CDH12: variants seen among roughly 807,000 people sequenced by gnomAD.
CDH12 encodes cadherin-12.
CDH12 carries 41 observed loss-of-function variants against 74.1 expected under a neutral mutation model. The ratio of observed to expected loss-of-function variants is 0.55; its 90% CI spans 0.43 to 0.72. The LOEUF (loss-of-function observed/expected upper bound fraction) is 0.72. CDH12 is among the 30% of genes least tolerant of loss of function. The pLI is 0.00. For synonymous variants in CDH12, 399 were observed against 355.0 expected, an observed-to-expected ratio of 1.12 and a Z score of -1.39; for missense variants, 945 against 977.2, an observed-to-expected ratio of 0.97 and a Z score of 0.44.
At chr5:22,434,528 A>T (rs1744302260) in intron 2 of CDH12, among the ~76,000 whole-genome samples, 1 of 152,142 alleles carries the variant, frequency 6.6e-6, no homozygotes, top group Non-Finnish European at 1.5e-5. Flanking sequence ...TCACTCCAAA[A>T]TGATTTTCAT....
Position 22,095,282 on chromosome 5 carries a change from C to T in CDH12, c.-186-16420G>A, listed in dbSNP as rs193226635. Among the ~76,000 whole-genome samples, 78 of 152,288 alleles carry T rather than the reference C, an allele frequency of 5.1e-4. No homozygotes were observed. In the Middle Eastern group the frequency reaches 0.01, roughly 20 times the overall value. On this transcript the variant is annotated intron_variant, in intron 4 of 14. Coordinates refer to ENST00000382254, the MANE Select transcript of CDH12 (RefSeq NM_004061.5). Reference sequence around the variant, plus strand: ...CCACTTTCTCCTTTCAATCTTGGTGCCACCCTTCAATCTCTCCCTTCTCTT... The same window carrying T: ...CCACTTTCTCCTTTCAATCTTGGTGTCACCCTTCAATCTCTCCCTTCTCTT...
chr5:22,755,925 C>T (rs1745874474), intron 1 of CDH12, among the ~76,000 whole-genome samples: 1 of 151,794 alleles, frequency 6.6e-6, no homozygotes, highest in Non-Finnish European at 1.5e-5. Context: ...AATGTATCTA[C>T]AGGGGAAATT....
chr5:22,643,306 T>C (rs1007443296), intron 1 of CDH12, among the ~76,000 whole-genome samples: 2 of 152,182 alleles, frequency 1.3e-5, no homozygotes, highest in African/African-American at 4.8e-5. Context: ...TGTGATTTAC[T>C]TTCTTTAGGT....
intron 6 of CDH12, among the ~76,000 whole-genome samples, chr5:21,860,389 A>T (rs576007818): frequency 6.6e-6 from 1 of 151,418 alleles, no homozygotes; most frequent in South Asian, 2.1e-4. Flanking sequence ...TTATTTGGGG[A>T]TTATGTATGA....
intron 7 of CDH12, among the ~76,000 whole-genome samples, chr5:21,845,759 G>A (rs750556764): frequency 3.3e-5 from 5 of 151,876 alleles, no homozygotes; most frequent in African/African-American, 1.2e-4. Flanking sequence ...TCTAATTCTG[G>A]CATCTAGTTA....
chr5:22,188,595 C>G (rs1308536432), intron 4 of CDH12, among the ~76,000 whole-genome samples: 1 of 152,094 alleles, frequency 6.6e-6, no homozygotes, highest in Admixed American at 6.5e-5. Flanking sequence ...ATCTGACAAA[C>G]TGTCACCTAC....
intron 4 of CDH12, among the ~76,000 whole-genome samples, chr5:22,210,762 T>C (rs1245921023): frequency 6.6e-6 from 1 of 151,852 alleles, no homozygotes; most frequent in African/African-American, 2.4e-5. Flanking sequence ...TTCAGCGACA[T>C]GCAAGTTCGC....
At chr5:22,609,287 AC>A (rs2126823889) in intron 1 of CDH12, among the ~76,000 whole-genome samples, 1 of 152,276 alleles carries the variant, frequency 6.6e-6, no homozygotes, top group South Asian at 2.1e-4. Context: ...CACTCATGTC[AC>A]TGCTTAAGCT....
intron 1 of CDH12, among the ~76,000 whole-genome samples, chr5:22,698,229 C>T (rs1215232047): frequency 6.9e-6 from 1 of 144,762 alleles, no homozygotes; most frequent in Non-Finnish European, 1.5e-5. Flanking sequence ...TCAAGCAATT[C>T]TCCTGCCTCA....
At position 22,078,466 on chromosome 5, in the gene CDH12, C is replaced by T. The variant is rs376964526; in HGVS notation, c.211G>A (p.Glu71Lys). 5.0e-6 allele frequency: 8 copies of T among 1,613,560 alleles called. No individual in the cohort carries two copies. The highest frequency in any genetic ancestry group is 2.7e-5 in the African/African-American group (2 of 74,862). Residue 71 changes from glutamate (E) to lysine (K), a missense_variant, in exon 5 of 15, where the codon GAG (glutamate) becomes AAG (lysine). Around this residue, in one of 3 missense-constraint regions of CDH12, gnomAD observed 148 missense variants for 162.8 expected, o/e 0.91. Transcript: ENST00000382254. ...FFVLEEYVGS[E>K]PQYVGKLHSD... Reference sequence around the variant, plus strand: ...ATTACCTTTCCCACATACTGAGGCTCGGAGCCCACGTATTCTTCCAGCACA... The same window carrying T: ...ATTACCTTTCCCACATACTGAGGCTTGGAGCCCACGTATTCTTCCAGCACA...
chr5:22,231,349 A>G (rs1015876388), intron 3 of CDH12, among the ~76,000 whole-genome samples: 1 of 152,082 alleles, frequency 6.6e-6, no homozygotes, highest in Non-Finnish European at 1.5e-5. Flanking sequence ...CAGAGAATTT[A>G]TGAAGAATAA....
At chr5:22,699,929 C>G (rs181687997) in intron 1 of CDH12, among the ~76,000 whole-genome samples, 209 of 152,260 alleles carry the variant, frequency 1.4e-3, no homozygotes, top group African/African-American at 4.8e-3. Flanking sequence ...AATCCCAGCA[C>G]TTTGAGAGGC....
At chr5:22,720,293 T>C (rs1743813020) in intron 1 of CDH12, among the ~76,000 whole-genome samples, 2 of 152,142 alleles carry the variant, frequency 1.3e-5, no homozygotes, top group African/African-American at 4.8e-5. Context: ...TAAGGGGCTT[T>C]TCCCCCTTTG....
intron 5 of CDH12, among the ~76,000 whole-genome samples, chr5:22,076,705 G>A (rs995732149): frequency 2.6e-5 from 4 of 152,104 alleles, no homozygotes; most frequent in African/African-American, 9.7e-5. Context: ...TCATATTTGA[G>A]GAATTATATA....
At chr5:21,981,057 C>G (rs1049097858) in intron 5 of CDH12, among the ~76,000 whole-genome samples, 6 of 151,972 alleles carry the variant, frequency 3.9e-5, no homozygotes, top group Non-Finnish European at 7.4e-5. Flanking sequence ...TGTTTCAGTT[C>G]TTATAAAAAT....
chr5:21,961,045 T>G (rs958960805), intron 6 of CDH12, among the ~76,000 whole-genome samples: 1 of 151,926 alleles, frequency 6.6e-6, no homozygotes, highest in African/African-American at 2.4e-5. Context: ...AAACTTGAAA[T>G]TAGACTACAT....
intron 1 of CDH12, among the ~76,000 whole-genome samples, chr5:22,572,791 T>A (rs1182780578): frequency 6.6e-6 from 1 of 152,184 alleles, no homozygotes; most frequent in Non-Finnish European, 1.5e-5. Context: ...TAGTTCTATA[T>A]TCTATTGAGT....
chr5:22,706,400 A>G (rs1295148720), intron 1 of CDH12, among the ~76,000 whole-genome samples: 1 of 152,112 alleles, frequency 6.6e-6, no homozygotes, highest in Non-Finnish European at 1.5e-5. Flanking sequence ...TCATTATGAA[A>G]CATATACACA....
intron 6 of CDH12, chr5:21,883,708 A>G: frequency 6.2e-7 from 1 of 1,608,306 alleles, no homozygotes. Flanking sequence ...CGTATTCAAG[A>G]AATCATTGGG....
Sources: allele counts gnomAD v4.1 joint callset (sites outside exome capture counted in the v4.1 genomes callset), GRCh38; gene constraint gnomAD v4.1.1; regional missense constraint gnomAD v4.1.1; transcripts MANE v1.5; gene names NCBI Gene and HGNC (gene_info 2026-07-23, HGNC 2026-07-21).